Variants in RABGAP1L observed in about 807,000 individuals in gnomAD.
RABGAP1L encodes the protein RAB GTPase activating protein 1 like, also known as rab GTPase-activating protein 1-like.
A neutral mutation model predicts 137.7 loss-of-function variants in RABGAP1L; 63 were observed. That is an observed-to-expected ratio of 0.46 (90% confidence interval 0.37 to 0.56). RABGAP1L has a LOEUF of 0.56. RABGAP1L is among the 20% of genes least tolerant of loss of function. RABGAP1L has a pLI of 0.00. For missense variants in RABGAP1L, 1,095 were observed against 1,244.0 expected (o/e 0.88, Z 1.80); for synonymous variants, 431 against 433.7 (o/e 0.99, Z 0.08).
At chr1:174,205,547 T>C (rs1320287690) in intron 1 of RABGAP1L, among the ~76,000 whole-genome samples, 1 of 152,116 alleles carries the variant, frequency 6.6e-6, no homozygotes, top group African/African-American at 2.4e-5. Flanking sequence ...TTATGTCTCT[T>C]TTAGGCTTTC....
At chr1:174,951,330 A>T (rs1176866760) in intron 19 of RABGAP1L, among the ~76,000 whole-genome samples, 2 of 152,222 alleles carry the variant, frequency 1.3e-5, no homozygotes, top group Non-Finnish European at 2.9e-5. Flanking sequence ...TCATTTCTGT[A>T]TGATCTTGGG....
rs552474490 is a variant in RABGAP1L at position 174,761,658 on chromosome 1, G to A, written c.2211+9304G>A. Among the ~76,000 whole-genome samples, 18 of 152,096 alleles carry A rather than the reference G, an allele frequency of 1.2e-4. 1 individual carries two copies. The South Asian group carries it at 2.3e-3, about 19-fold the overall frequency. On this transcript the variant is annotated intron_variant, in intron 18 of 25. Coordinates refer to ENST00000681986, the MANE Select transcript of RABGAP1L (RefSeq NM_001366446.1). The surrounding 1 kb of genome is among the most constrained non-coding windows in gnomAD (Gnocchi z 4.0). ...ACAGTGTGGGGGCCGGACAAGGGCCGAACAGAGGCATTCCTCACTTCCCAG... is the reference window on the plus strand; with the variant it reads ...ACAGTGTGGGGGCCGGACAAGGGCCAAACAGAGGCATTCCTCACTTCCCAG...
intron 13 of RABGAP1L, among the ~76,000 whole-genome samples, chr1:174,632,578 G>C (rs1167718372): frequency 6.7e-6 from 1 of 150,032 alleles, no homozygotes; most frequent in Admixed American, 6.6e-5. Flanking sequence ...ATTTCTTGGA[G>C]GCTTTGCTCA....
chr1:174,638,577 A>G (rs1213017549), intron 14 of RABGAP1L, among the ~76,000 whole-genome samples: 2 of 150,424 alleles, frequency 1.3e-5, no homozygotes, highest in African/African-American at 4.9e-5. Context: ...CTGTAAAGAC[A>G]CATGCACACG....
chr1:174,331,266 T>C (rs1157577938), intron 11 of RABGAP1L, among the ~76,000 whole-genome samples: 2 of 152,184 alleles, frequency 1.3e-5, no homozygotes, highest in African/African-American at 2.4e-5. Flanking sequence ...CTGTAAGTGA[T>C]TGGTCTGGAC....
At chr1:174,833,469 G>GATATATATATATATATATAGATATA in intron 19 of RABGAP1L, among the ~76,000 whole-genome samples, 1 of 23,760 alleles carries the variant, frequency 4.2e-5, no homozygotes, top group African/African-American at 6.0e-5. Context: ...TATATATATA[G>GATATATATATATATATATAGATATA]TAGAGACAGG....
In RABGAP1L at chr1:174,720,308, G is replaced by GT. The variant is rs1273951027; in HGVS notation, c.2169+18065dup. On this transcript the variant is annotated intron_variant, in intron 17 of 25. Coordinates refer to ENST00000681986, the MANE Select transcript of RABGAP1L (RefSeq NM_001366446.1). ...AGATAGATAGACAGACAGATAGTTG[G>GT]TTTTTTTTTTTTTGAGACAGGGTCT... is the stretch of plus-strand genomic sequence containing the variant. Among the ~76,000 whole-genome samples the GT allele has an allele frequency of 2.8e-3, 415 of 145,974 alleles. 3 individuals are homozygous for GT. Among genetic ancestry groups the GT allele is most frequent in the East Asian group, 5.4e-3 (27 of 4,984 alleles).
chr1:174,462,091 A>G (rs1198742993), intron 13 of RABGAP1L, among the ~76,000 whole-genome samples: 1 of 152,128 alleles, frequency 6.6e-6, no homozygotes, highest in African/African-American at 2.4e-5. Context: ...CTTGTAAAAT[A>G]TGGTTTTGAA....
intron 11 of RABGAP1L, among the ~76,000 whole-genome samples, chr1:174,339,220 G>A (rs1160352366): frequency 6.7e-6 from 1 of 150,210 alleles, no homozygotes; most frequent in Non-Finnish European, 1.5e-5. Context: ...GTTTTTTTTT[G>A]CATTTTGAAA....
intron 13 of RABGAP1L, among the ~76,000 whole-genome samples, chr1:174,417,344 T>C (rs958286504): frequency 1.3e-5 from 2 of 152,214 alleles, no homozygotes; most frequent in African/African-American, 4.8e-5. Flanking sequence ...CTAAATCTTA[T>C]ACAAATGATG....
At chr1:174,518,231 T>C (rs1227581152) in intron 13 of RABGAP1L, among the ~76,000 whole-genome samples, 2 of 152,210 alleles carry the variant, frequency 1.3e-5, no homozygotes, top group East Asian at 1.9e-4. Context: ...GTTTCTGATA[T>C]GTGACCAGGT....
At chr1:174,216,315 C>T (rs929645596) in intron 1 of RABGAP1L, among the ~76,000 whole-genome samples, 13 of 152,100 alleles carry the variant, frequency 8.5e-5, no homozygotes, top group African/African-American at 2.7e-4. Context: ...TTGCTTCTAA[C>T]ACAAAGGATA....
intron 13 of RABGAP1L, among the ~76,000 whole-genome samples, chr1:174,547,053 A>T: frequency 6.6e-6 from 1 of 151,276 alleles, no homozygotes; most frequent in African/African-American, 2.4e-5. Context: ...AAAAAAAAAA[A>T]AAAGATAAAG....
At chr1:174,941,565 G>A (rs750121590) in intron 19 of RABGAP1L, among the ~76,000 whole-genome samples, 10 of 152,158 alleles carry the variant, frequency 6.6e-5, no homozygotes, top group Admixed American at 2.6e-4. Context: ...CGGGCCTGTT[G>A]ACTATCACCT....
intron 19 of RABGAP1L, among the ~76,000 whole-genome samples, chr1:174,946,932 A>G (rs1301584124): frequency 5.6e-5 from 4 of 71,800 alleles, no homozygotes; most frequent in African/African-American, 1.9e-4. Context: ...ATATATATAT[A>G]TATATATATG....
intron 10 of RABGAP1L, among the ~76,000 whole-genome samples, chr1:174,301,507 A>G (rs1419837588): frequency 6.6e-6 from 1 of 151,686 alleles, no homozygotes; most frequent in East Asian, 2.0e-4. Flanking sequence ...AGAGGGCCAC[A>G]ATGTTACAGC....
intron 18 of RABGAP1L, among the ~76,000 whole-genome samples, chr1:174,790,482 G>T (rs1687767355): frequency 6.6e-6 from 1 of 151,800 alleles, no homozygotes; most frequent in Non-Finnish European, 1.5e-5. Context: ...AATTAGCCAG[G>T]CATGATGGCT....
At chr1:174,628,840 T>C (rs1036050210) in intron 13 of RABGAP1L, among the ~76,000 whole-genome samples, 2 of 152,004 alleles carry the variant, frequency 1.3e-5, no homozygotes, top group African/African-American at 4.8e-5. Flanking sequence ...TGGCAGGACT[T>C]AGGGAGCCCG....
chr1:174,339,052 T>C lies in RABGAP1L; in HGVS notation c.1466-31927T>C, dbSNP rs575346059. 2.0e-3 allele frequency among the ~76,000 whole-genome samples: 304 copies of C among 152,326 alleles called. 1 individual carries two copies. The highest frequency in any genetic ancestry group is 6.9e-3 in the African/African-American group (288 of 41,586). On this transcript the variant is annotated intron_variant, in intron 11 of 25. Transcript: ENST00000681986. ...GTACTGTATGACTATACTTTTCTTG[T>C]GTACATATCATGTTACTTTGGTACA... is the stretch of plus-strand genomic sequence containing the variant.
Sources: allele counts gnomAD v4.1 joint callset (sites outside exome capture counted in the v4.1 genomes callset), GRCh38; gene constraint gnomAD v4.1.1; non-coding constraint Gnocchi (gnomAD v3.1); transcripts MANE v1.5; gene names NCBI Gene and HGNC (gene_info 2026-07-23, HGNC 2026-07-21).